Variants in SRGAP3 observed in about 807,000 individuals in gnomAD.
The protein encoded by SRGAP3 is SLIT-ROBO Rho GTPase activating protein 3, also known as SLIT-ROBO Rho GTPase-activating protein 3.
A neutral mutation model predicts 121.1 loss-of-function variants in SRGAP3; 39 were observed. The observed-to-expected ratio is 0.32, with a 90% CI of 0.25 to 0.42. The LOEUF (loss-of-function observed/expected upper bound fraction) is 0.42, where lower values mean the gene tolerates loss of function less well. SRGAP3 is among the 10% of genes least tolerant of loss of function. The probability of loss-of-function intolerance (pLI) is 1.00; values close to 1 mark genes in which losing one functional copy is unlikely to be tolerated. For missense variants in SRGAP3, 1,213 were observed against 1,470.6 expected, an observed-to-expected ratio of 0.82 and a Z score of 2.86; for synonymous variants, 601 against 570.0, an observed-to-expected ratio of 1.05 and a Z score of -0.77.
chr3:9,079,923 A>T (rs1947160719), intron 4 of SRGAP3, 102 bp downstream of exon 4: 1 of 1,271,784 alleles, frequency 7.9e-7, no homozygotes, highest in Admixed American at 2.0e-5. Context: ...GCAGCAAAAA[A>T]GGCCTGGGGT....
intron 10 of SRGAP3, among the ~76,000 whole-genome samples, chr3:9,045,166 C>G (rs190948757): frequency 1.4e-5 from 2 of 142,622 alleles, no homozygotes; most frequent in African/African-American, 5.1e-5. Flanking sequence ...AGCTCTAAAA[C>G]TGTTTTAAAA....
chr3:9,068,906 A>C (rs537990317), intron 4 of SRGAP3, among the ~76,000 whole-genome samples: 75 of 152,292 alleles, frequency 4.9e-4, no homozygotes, highest in African/African-American at 1.8e-3. Context: ...TTGAGCACTT[A>C]CTACTTGCCA....
intron 3 of SRGAP3, chr3:9,257,388 T>C (rs569260818): frequency 6.6e-5 from 10 of 152,292 alleles, no homozygotes; most frequent in Admixed American, 5.2e-4. Flanking sequence ...ATTGAGAAGA[T>C]GGTCATCTGA....
At chr3:8,993,676 T>C (rs542719446) in intron 19 of SRGAP3, among the ~76,000 whole-genome samples, 53 of 152,294 alleles carry the variant, frequency 3.5e-4, no homozygotes, top group African/African-American at 1.2e-3. Context: ...TGGCCTTTTC[T>C]CTGGCTGAGA....
chr3:9,361,494 G>C (rs2030829333), intron 1 of SRGAP3, among the ~76,000 whole-genome samples: 1 of 152,108 alleles, frequency 6.6e-6, no homozygotes, highest in African/African-American at 2.4e-5. Context: ...TTCACAATAA[G>C]TTAACTTTTG....
At chr3:9,002,813 T>C (rs2124988368) in intron 18 of SRGAP3, among the ~76,000 whole-genome samples, 1 of 152,232 alleles carries the variant, frequency 6.6e-6, no homozygotes, top group South Asian at 2.1e-4. Flanking sequence ...CTATGAACAA[T>C]TATATGCCAA....
Position 9,047,842 on chromosome 3 carries a change from G to A in SRGAP3, c.1324-367C>T, listed in dbSNP as rs374199391. ...AAGCTCCACTGTGCTTCTGCGCCAA[G>A]AGCAATAAAAATGGGAGCCGTCCCA... On this transcript the variant is annotated intron_variant, in intron 9 of 21. Coordinates refer to ENST00000383836, the MANE Select transcript of SRGAP3 (RefSeq NM_014850.4). Among the ~76,000 whole-genome samples, 9 of 152,344 alleles carry A rather than the reference G, an allele frequency of 5.9e-5. No individual in the cohort carries two copies. In the South Asian group the frequency reaches 6.2e-4, roughly 11 times the overall value.
At chr3:9,006,543 CAG>C in intron 18 of SRGAP3, among the ~76,000 whole-genome samples, 1 of 152,144 alleles carries the variant, frequency 6.6e-6, no homozygotes, top group East Asian at 1.9e-4. Flanking sequence ...GAATATTATG[CAG>C]AGTGAAAGAG....
chr3:9,008,847 A>G (rs1011822356), intron 18 of SRGAP3, among the ~76,000 whole-genome samples: 25 of 152,172 alleles, frequency 1.6e-4, no homozygotes, highest in African/African-American at 5.3e-4. Context: ...AGGCAGTCCA[A>G]TGAGACTCCA....
intron 2 of SRGAP3, among the ~76,000 whole-genome samples, chr3:9,123,480 G>A (rs1448811472): frequency 6.6e-6 from 1 of 151,984 alleles, no homozygotes; most frequent in Non-Finnish European, 1.5e-5. Context: ...GCTGAAGCAG[G>A]TGGATCACTT....
intron 14 of SRGAP3, among the ~76,000 whole-genome samples, chr3:9,022,204 T>C (rs892008305): frequency 1.2e-4 from 19 of 152,326 alleles, no homozygotes; most frequent in South Asian, 6.2e-4. Context: ...GGCACACGCC[T>C]GTAGTCCCAG....
chr3:9,128,822 A>C (rs77797288), intron 1 of SRGAP3, among the ~76,000 whole-genome samples: 1 of 152,250 alleles, frequency 6.6e-6, no homozygotes, highest in Non-Finnish European at 1.5e-5. Context: ...TCTTGTGTTT[A>C]TTGAAAGAAG....
upstream of SRGAP3, among the ~76,000 whole-genome samples, chr3:9,250,342 G>C (rs982521263): frequency 6.6e-6 from 1 of 152,116 alleles, no homozygotes; most frequent in Non-Finnish European, 1.5e-5. Flanking sequence ...TGAAGCTCCC[G>C]GGGCTCCACA....
At chr3:9,203,650 G>A (rs765252527) in intron 1 of SRGAP3, among the ~76,000 whole-genome samples, 25 of 152,122 alleles carry the variant, frequency 1.6e-4, no homozygotes, top group African/African-American at 3.4e-4. Context: ...CCTTATATTG[G>A]CCCCTGAGCT....
intron 1 of SRGAP3, among the ~76,000 whole-genome samples, chr3:9,163,931 C>T (rs1478389939): frequency 6.6e-6 from 1 of 151,190 alleles, no homozygotes; most frequent in Non-Finnish European, 1.5e-5. Context: ...TTCCAGGCAC[C>T]GTATGAAGCT....
rs1941429711 is a variant in SRGAP3, at chr3:8,981,799, G to C, written c.*3720C>G. The C allele has an allele frequency of 8.7e-6, 2 of 229,350 alleles. No homozygotes were observed. The highest frequency in any genetic ancestry group is 3.6e-4 in the South Asian group (2 of 5,486). The allele number at this position is 229,350 out of a possible 1,614,324, so 14.2% of individuals were successfully genotyped here. A position where few individuals can be genotyped will look rare whatever the true frequency, so the allele number is the denominator to read the frequency against. ...CTCTTCCCACTCCGATTTCTTCATTGAATAGAAACCTTTCATCCCTTGGGA... is the reference window on the plus strand; with the variant it reads ...CTCTTCCCACTCCGATTTCTTCATTCAATAGAAACCTTTCATCCCTTGGGA... On this transcript the variant is annotated 3_prime_UTR_variant, in exon 22 of 22. Transcript: ENST00000383836.
At chr3:9,331,098 G>C (rs552045595) in intron 1 of SRGAP3, among the ~76,000 whole-genome samples, 1 of 152,248 alleles carries the variant, frequency 6.6e-6, no homozygotes, top group African/African-American at 2.4e-5. Flanking sequence ...CTTGAAATTA[G>C]CTTTTTTTCT....
chr3:9,152,110 G>T (rs989554595), intron 1 of SRGAP3, among the ~76,000 whole-genome samples: 4 of 152,234 alleles, frequency 2.6e-5, no homozygotes, highest in African/African-American at 9.6e-5. Flanking sequence ...TTGTCTGTTT[G>T]ATTCACTGCT....
chr3:9,221,003 G>C (rs1952794509), intron 1 of SRGAP3, among the ~76,000 whole-genome samples: 1 of 152,180 alleles, frequency 6.6e-6, no homozygotes, highest in Non-Finnish European at 1.5e-5. Flanking sequence ...ATCTGCCTTA[G>C]TCCCCAGTGC....
Sources: allele counts gnomAD v4.1 joint callset (sites outside exome capture counted in the v4.1 genomes callset), GRCh38; gene constraint gnomAD v4.1.1; transcripts MANE v1.5; gene names NCBI Gene and HGNC (gene_info 2026-07-23, HGNC 2026-07-21).